The following EFNA5 variants were observed in gnomAD, a reference collection of about 807,000 sequenced individuals.
EFNA5 encodes ephrin-A5.
Under a neutral mutation model 22.9 loss-of-function variants are expected in EFNA5, and 5 were observed. The ratio of observed to expected loss-of-function variants is 0.22; its 90% CI spans 0.11 to 0.46. The LOEUF is 0.46. EFNA5 is among the 20% of genes least tolerant of loss of function. The pLI is 0.99. For missense variants in EFNA5, 237 were observed against 293.3 expected (o/e 0.81, Z 1.40); for synonymous variants, 113 against 112.2 (o/e 1.01, Z -0.04).
intron 1 of EFNA5, among the ~76,000 whole-genome samples, chr5:107,665,190 T>C (rs918309665): frequency 1.3e-5 from 2 of 152,216 alleles, no homozygotes; most frequent in Non-Finnish European, 2.9e-5. Context: ...TTGTATTCAT[T>C]CATTTTCTTG....
intron 1 of EFNA5, among the ~76,000 whole-genome samples, chr5:107,576,296 C>G (rs1276893602): frequency 6.6e-6 from 1 of 152,298 alleles, no homozygotes; most frequent in East Asian, 1.9e-4. Flanking sequence ...ACGGCAATCA[C>G]ATAACAAGTT....
intron 1 of EFNA5, among the ~76,000 whole-genome samples, chr5:107,618,076 T>G (rs1446411234): frequency 6.6e-6 from 1 of 152,166 alleles, no homozygotes; most frequent in Non-Finnish European, 1.5e-5. Context: ...ATTCATTCAT[T>G]ATGCAAAGAT....
intron 1 of EFNA5, among the ~76,000 whole-genome samples, chr5:107,549,540 T>C (rs570458335): frequency 2.6e-5 from 4 of 152,348 alleles, no homozygotes; most frequent in Admixed American, 2.6e-4. Context: ...GGGGTTCTTT[T>C]GAACAGATGG....
At chr5:107,661,285 C>G (rs945772741) in intron 1 of EFNA5, among the ~76,000 whole-genome samples, 5 of 152,092 alleles carry the variant, frequency 3.3e-5, no homozygotes, top group Non-Finnish European at 5.9e-5. Flanking sequence ...ACTATATGGA[C>G]AGAGAAGCCA....
At chr5:107,444,290 A>G (rs1158041550) in intron 1 of EFNA5, among the ~76,000 whole-genome samples, 1 of 152,240 alleles carries the variant, frequency 6.6e-6, no homozygotes, top group East Asian at 1.9e-4. Flanking sequence ...TTAGAGTGCT[A>G]ATTTATGCAA....
intron 1 of EFNA5, among the ~76,000 whole-genome samples, chr5:107,433,630 T>C (rs1368633871): frequency 1.3e-5 from 2 of 152,208 alleles, no homozygotes; most frequent in Non-Finnish European, 2.9e-5. Context: ...GCATGGTGGC[T>C]GATGCCTGTA....
At chr5:107,624,063 GC>G (rs1750096214) in intron 1 of EFNA5, among the ~76,000 whole-genome samples, 1 of 151,894 alleles carries the variant, frequency 6.6e-6, no homozygotes, top group Admixed American at 6.6e-5. Flanking sequence ...CCCGAAATAG[GC>G]CTTAATCTAG....
intron 2 of EFNA5, among the ~76,000 whole-genome samples, chr5:107,409,528 G>C (rs1228861517): frequency 1.3e-5 from 2 of 152,218 alleles, no homozygotes; most frequent in Non-Finnish European, 1.5e-5. Flanking sequence ...GATTCTCAAT[G>C]TTCAGAACCA....
At chr5:107,508,748 T>C (rs1747301417) in intron 1 of EFNA5, among the ~76,000 whole-genome samples, 1 of 152,204 alleles carries the variant, frequency 6.6e-6, no homozygotes, top group South Asian at 2.1e-4. Context: ...GTATAAGCAA[T>C]AAATTATTCT....
intron 1 of EFNA5, among the ~76,000 whole-genome samples, chr5:107,446,571 G>A (rs757407946): frequency 1.3e-5 from 2 of 151,866 alleles, no homozygotes; most frequent in African/African-American, 4.8e-5. Context: ...TGGCTAACAC[G>A]GTGAATCCCT....
chr5:107,499,989 C>T (rs997012168), intron 1 of EFNA5, among the ~76,000 whole-genome samples: 1 of 152,156 alleles, frequency 6.6e-6, no homozygotes, highest in Non-Finnish European at 1.5e-5. Flanking sequence ...TGTTTCAACC[C>T]GGATCATTCA....
Position 107,380,854 on chromosome 5 carries a change from G to C in EFNA5, c.*401C>G. ...AGCAAAACCCTCCCAGCCCTAGCCA[G>C]CGCTGGCTGCATCTGCCACTATTCT... is the stretch of plus-strand genomic sequence containing the variant. On this transcript the variant is annotated 3_prime_UTR_variant, in exon 5 of 5. Coordinates refer to ENST00000333274, the MANE Select transcript of EFNA5 (RefSeq NM_001962.3). 2.4e-6 allele frequency: 1 copy of C among 410,988 alleles called. No homozygotes were observed. The highest frequency in any genetic ancestry group is 4.3e-6 in the Non-Finnish European group (1 of 232,594). The allele number at this position is 410,988 out of a possible 1,614,324, so 25.5% of individuals were successfully genotyped here.
intron 1 of EFNA5, among the ~76,000 whole-genome samples, chr5:107,604,248 C>T (rs549163668): frequency 5.3e-5 from 8 of 152,264 alleles, no homozygotes; most frequent in South Asian, 2.1e-4. Context: ...TGGTGTATCA[C>T]GGCTCACTGC....
chr5:107,503,321 C>T (rs898101812), intron 1 of EFNA5, among the ~76,000 whole-genome samples: 8 of 152,180 alleles, frequency 5.3e-5, no homozygotes, highest in African/African-American at 1.7e-4. Flanking sequence ...AATGCCTTCA[C>T]GTAAAATGTC....
chr5:107,592,302 A>G (rs1415685972), intron 1 of EFNA5, among the ~76,000 whole-genome samples: 1 of 151,276 alleles, frequency 6.6e-6, no homozygotes, highest in Non-Finnish European at 1.5e-5. Context: ...GTTTGTATAA[A>G]CTTCAATTAT....
intron 1 of EFNA5, among the ~76,000 whole-genome samples, chr5:107,565,821 A>T (rs372694853): frequency 5.9e-5 from 9 of 152,256 alleles, no homozygotes; most frequent in Admixed American, 2.6e-4. Context: ...ACAGAAAAAT[A>T]AGAGCTGAGT....
chr5:107,481,611 G>A (rs971826252), intron 1 of EFNA5, among the ~76,000 whole-genome samples: 6 of 152,038 alleles, frequency 3.9e-5, no homozygotes, highest in African/African-American at 7.3e-5. Flanking sequence ...CAGCACTTTC[G>A]GAGGCCAAGG....
At chr5:107,459,360 A>T (rs555128095) in intron 1 of EFNA5, among the ~76,000 whole-genome samples, 1 of 149,048 alleles carries the variant, frequency 6.7e-6, no homozygotes, top group African/African-American at 2.5e-5. Flanking sequence ...CTCAAAAAAA[A>T]TCAATTGGAA....
At chr5:107,636,680 A>G (rs527950814) in intron 1 of EFNA5, among the ~76,000 whole-genome samples, 1 of 152,348 alleles carries the variant, frequency 6.6e-6, no homozygotes, top group East Asian at 1.9e-4. Context: ...AGATCAGATC[A>G]TGTTCTTGAA....
Sources: allele counts gnomAD v4.1 joint callset (sites outside exome capture counted in the v4.1 genomes callset), GRCh38; gene constraint gnomAD v4.1.1; transcripts MANE v1.5; gene names NCBI Gene and HGNC (gene_info 2026-07-23, HGNC 2026-07-21).